Variants in CCSER1 observed in about 807,000 individuals in gnomAD.
The protein encoded by CCSER1 is serine-rich coiled-coil domain-containing protein 1.
In CCSER1, 41 loss-of-function variants were observed where a neutral mutation model predicts 82.0. The observed-to-expected ratio is 0.50, with a 90% confidence interval of 0.39 to 0.65. CCSER1 has a LOEUF of 0.65. CCSER1 is among the 30% of genes least tolerant of loss of function. The pLI is 0.00. For synonymous variants in CCSER1, 414 were observed against 383.9 expected, an observed-to-expected ratio of 1.08 and a Z score of -0.92; for missense variants, 1,119 against 1,064.2, an observed-to-expected ratio of 1.05 and a Z score of -0.72.
intron 10 of CCSER1, among the ~76,000 whole-genome samples, chr4:91,456,772 G>T (rs1177892814): frequency 6.6e-6 from 1 of 151,950 alleles, no homozygotes; most frequent in Non-Finnish European, 1.5e-5. Context: ...ATATACTTAA[G>T]TTGGTCAGGA....
chr4:90,385,354 A>T (rs62312912), intron 3 of CCSER1, among the ~76,000 whole-genome samples: 2 of 150,874 alleles, frequency 1.3e-5, no homozygotes, highest in African/African-American at 4.9e-5. Context: ...CCAATAGTAT[A>T]TAAGTGTTCC....
chr4:91,143,163 T>C (rs573518955), intron 10 of CCSER1, among the ~76,000 whole-genome samples: 1 of 152,236 alleles, frequency 6.6e-6, no homozygotes, highest in South Asian at 2.1e-4. Flanking sequence ...CTTTCAGCAG[T>C]TTTTTGTAGT....
At chr4:91,445,796 G>A (rs1755520186) in intron 10 of CCSER1, among the ~76,000 whole-genome samples, 1 of 151,900 alleles carries the variant, frequency 6.6e-6, no homozygotes, top group Non-Finnish European at 1.5e-5. Context: ...AGTTGGAGAA[G>A]AATAAAGCAC....
At chr4:90,791,876 CTT>C (rs1452984198) in intron 7 of CCSER1, among the ~76,000 whole-genome samples, 2 of 151,076 alleles carry the variant, frequency 1.3e-5, no homozygotes, top group Non-Finnish European at 2.9e-5. Context: ...CTATTGAACA[CTT>C]AATAGGCTAA....
At chr4:90,850,356 T>C (rs1763728848) in intron 8 of CCSER1, among the ~76,000 whole-genome samples, 1 of 152,112 alleles carries the variant, frequency 6.6e-6, no homozygotes, top group Admixed American at 6.5e-5. Flanking sequence ...ATATTCTGGA[T>C]CCCAGAATCA....
chr4:90,479,962 A>G (rs1489414139), intron 5 of CCSER1, among the ~76,000 whole-genome samples: 2 of 152,188 alleles, frequency 1.3e-5, no homozygotes, highest in Non-Finnish European at 2.9e-5. Context: ...ACCAATTTCC[A>G]CAATTGTTGA....
Position 91,240,397 on chromosome 4 carries a change from C to CT in CCSER1, c.2217+154403_2217+154404insT, listed in dbSNP as rs1739314433. Among the ~76,000 whole-genome samples the CT allele has an allele frequency of 4.7e-5, 2 of 42,714 alleles. 1 individual carries two copies. Among genetic ancestry groups the CT allele is most frequent in the African/African-American group, 2.8e-4 (2 of 7,062 alleles). 28.0% of individuals were successfully genotyped at this position (42,714 alleles called of 152,430 possible). A position where few individuals can be genotyped will look rare whatever the true frequency, so the allele number is the denominator to read the frequency against. ...CGGCCTATTTTAAGCATTTGTAATG[C>CT]ATTAATTCATCTAATCATCACAACC... On this transcript the variant is annotated intron_variant, in intron 10 of 10. Coordinates refer to ENST00000509176, the MANE Select transcript of CCSER1 (RefSeq NM_001145065.2).
At chr4:91,024,577 C>G (rs1486405716) in intron 9 of CCSER1, among the ~76,000 whole-genome samples, 1 of 151,822 alleles carries the variant, frequency 6.6e-6, no homozygotes, top group Non-Finnish European at 1.5e-5. Flanking sequence ...CAACATTTTT[C>G]CAAAGGAGTT....
chr4:91,035,031 T>A (rs1741313530), intron 9 of CCSER1, among the ~76,000 whole-genome samples: 1 of 152,154 alleles, frequency 6.6e-6, no homozygotes, highest in African/African-American at 2.4e-5. Flanking sequence ...AAAGGGTTTT[T>A]TAAATGTTTT....
intron 1 of CCSER1, among the ~76,000 whole-genome samples, chr4:90,243,915 TTAAG>T (rs1016628826): frequency 6.6e-6 from 1 of 152,016 alleles, no homozygotes; most frequent in Non-Finnish European, 1.5e-5. Context: ...ATAACAAAAA[TTAAG>T]TGTGTTTATT....
At chr4:90,893,881 T>TC (rs1301932447) in intron 8 of CCSER1, among the ~76,000 whole-genome samples, 1 of 151,966 alleles carries the variant, frequency 6.6e-6, no homozygotes, top group Non-Finnish European at 1.5e-5. Flanking sequence ...GAAACTCATT[T>TC]CCCGTGTTAA....
chr4:91,429,930 A>G (rs1395655108), intron 10 of CCSER1, among the ~76,000 whole-genome samples: 3 of 151,988 alleles, frequency 2.0e-5, no homozygotes, highest in Non-Finnish European at 4.4e-5. Context: ...GACTAGATAG[A>G]TCTGAGACAT....
chr4:91,594,472 T>C (rs1400496873), intron 10 of CCSER1, among the ~76,000 whole-genome samples: 2 of 148,812 alleles, frequency 1.3e-5, no homozygotes, highest in African/African-American at 4.9e-5. Flanking sequence ...CATATATACA[T>C]ATATATACAT....
chr4:91,414,984 T>C (rs1299888894), intron 10 of CCSER1, among the ~76,000 whole-genome samples: 1 of 152,068 alleles, frequency 6.6e-6, no homozygotes, highest in Non-Finnish European at 1.5e-5. Flanking sequence ...ACAATAATAG[T>C]AGGAGACTTT....
intron 10 of CCSER1, among the ~76,000 whole-genome samples, chr4:91,273,948 A>C (rs1742229422): frequency 6.6e-6 from 1 of 152,186 alleles, no homozygotes; most frequent in South Asian, 2.1e-4. Flanking sequence ...TCTTATGGTA[A>C]TATCTGATTA....
chr4:90,960,077 G>A (rs1365149159), intron 9 of CCSER1, among the ~76,000 whole-genome samples: 1 of 152,076 alleles, frequency 6.6e-6, no homozygotes, highest in African/African-American at 2.4e-5. Context: ...GCTTTCCTTT[G>A]TAATAATTGG....
intron 10 of CCSER1, among the ~76,000 whole-genome samples, chr4:91,212,890 T>G (rs879175028): frequency 2.0e-5 from 3 of 152,104 alleles, no homozygotes; most frequent in Admixed American, 2.0e-4. Flanking sequence ...GCCCACCTCC[T>G]TCTCTCCCTA....
intron 10 of CCSER1, among the ~76,000 whole-genome samples, chr4:91,483,781 C>T (rs1758074247): frequency 6.6e-6 from 1 of 152,052 alleles, no homozygotes; most frequent in Admixed American, 6.6e-5. Flanking sequence ...TTATTTTTGT[C>T]AAGAGTAATT....
At chr4:91,390,918 T>C (rs1016994301) in intron 10 of CCSER1, among the ~76,000 whole-genome samples, 3 of 152,136 alleles carry the variant, frequency 2.0e-5, no homozygotes, top group Admixed American at 2.0e-4. Flanking sequence ...TCTGTAGTTA[T>C]ATCTCCTATC....
Sources: gnomAD v4.1 joint callset for allele counts (sites outside exome capture counted in the v4.1 genomes callset) on GRCh38, gnomAD v4.1.1 for gene constraint, MANE v1.5 for transcripts, NCBI Gene and HGNC (gene_info 2026-07-23, HGNC 2026-07-21) for gene names.